FAR2: variants seen among roughly 807,000 people sequenced by gnomAD.
The protein encoded by FAR2 is fatty acyl-CoA reductase 2, also known as epididymis secretory protein Li 81.
FAR2 carries 19 observed loss-of-function variants against 56.0 expected under a neutral mutation model. That is an observed-to-expected ratio of 0.34 (90% confidence interval 0.24 to 0.50). The LOEUF (loss-of-function observed/expected upper bound fraction) is 0.50. FAR2 is among the 20% of genes least tolerant of loss of function. The pLI, the probability that FAR2 is intolerant of heterozygous loss-of-function variation, is 0.98. For missense variants in FAR2, 508 were observed against 642.2 expected (o/e 0.79, Z 2.26); for synonymous variants, 219 against 218.8 (o/e 1.00, Z -0.01).
chr12:29,292,567 C>T (rs944351728), intron 2 of FAR2, among the ~76,000 whole-genome samples: 2 of 152,114 alleles, frequency 1.3e-5, no homozygotes, highest in African/African-American at 4.8e-5. Flanking sequence ...AAAGATCTTT[C>T]TGGAAGAGAT....
At chr12:29,182,067 T>C (rs1479535761) in intron 1 of FAR2, among the ~76,000 whole-genome samples, 1 of 152,338 alleles carries the variant, frequency 6.6e-6, no homozygotes, top group South Asian at 2.1e-4. Flanking sequence ...ATAGAAGCCA[T>C]CCTTGGGTAC....
chr12:29,272,651 C>T (rs2882377), intron 2 of FAR2, among the ~76,000 whole-genome samples: 21,417 of 152,180 alleles, frequency 0.14, 1,601 homozygotes, highest in Middle Eastern at 0.28. Context: ...CCATCTGATC[C>T]TCCGTCCAGT....
At chr12:29,263,057 T>A in intron 1 of FAR2, among the ~76,000 whole-genome samples, 1 of 152,190 alleles carries the variant, frequency 6.6e-6, no homozygotes, top group East Asian at 1.9e-4. Flanking sequence ...ACAAAGAATG[T>A]CATTATATAA....
At chr12:29,306,222 A>G (rs1949252687) in intron 4 of FAR2, among the ~76,000 whole-genome samples, 1 of 152,128 alleles carries the variant, frequency 6.6e-6, no homozygotes, top group African/African-American at 2.4e-5. Context: ...AGATATTTCT[A>G]TGTAGTTGAA....
chr12:29,203,931 C>T (rs1036611903), intron 1 of FAR2, among the ~76,000 whole-genome samples: 17 of 125,922 alleles, frequency 1.4e-4, no homozygotes, highest in African/African-American at 4.5e-4. Context: ...ACCTGGGAGG[C>T]GGAGCTTGCA....
intron 2 of FAR2, among the ~76,000 whole-genome samples, chr12:29,292,775 T>G (rs779881314): frequency 2.0e-5 from 3 of 152,182 alleles, no homozygotes; most frequent in Non-Finnish European, 4.4e-5. Context: ...TTTTCTGCAC[T>G]GTAGGGCCAG....
chr12:29,228,671 T>C (rs939931089), intron 1 of FAR2, among the ~76,000 whole-genome samples: 1 of 152,198 alleles, frequency 6.6e-6, no homozygotes, highest in African/African-American at 2.4e-5. Flanking sequence ...CACTGCAGTC[T>C]CTGCCTCCTG....
At chr12:29,177,415 T>G (rs533966258) in intron 1 of FAR2, among the ~76,000 whole-genome samples, 2 of 152,288 alleles carry the variant, frequency 1.3e-5, no homozygotes, top group South Asian at 4.1e-4. Context: ...AAAGTATTAT[T>G]ATAAAAATAC....
chr12:29,183,369 A>G (rs1490283890), intron 1 of FAR2, among the ~76,000 whole-genome samples: 1 of 152,094 alleles, frequency 6.6e-6, no homozygotes, highest in Non-Finnish European at 1.5e-5. Flanking sequence ...CACAAACATA[A>G]TCTCCAATCC....
Position 29,304,832 on chromosome 12 carries a change from C to T in FAR2, c.546-2826C>T, listed in dbSNP as rs563979219. Among the ~76,000 whole-genome samples, 33 of 152,278 alleles carry T rather than the reference C, an allele frequency of 2.2e-4. No individual in the cohort carries two copies. In the East Asian group the frequency reaches 6.2e-3, roughly 29 times the overall value. Reference sequence around the variant, plus strand: ...GAATTTGAGACCCATGGGTTCAAAACATCTTCTTGAGTATACTGGAGGACA... The same window carrying T: ...GAATTTGAGACCCATGGGTTCAAAATATCTTCTTGAGTATACTGGAGGACA... On this transcript the variant is annotated intron_variant, in intron 4 of 11. Transcript: ENST00000536681.
At chr12:29,201,889 T>C (rs2136617614) in intron 1 of FAR2, among the ~76,000 whole-genome samples, 1 of 152,338 alleles carries the variant, frequency 6.6e-6, no homozygotes. Flanking sequence ...TTTCCACCAC[T>C]ACAGAAAGTT....
Position 29,205,289 on chromosome 12 carries a change from A to T in FAR2, c.-39+55882A>T, listed in dbSNP as rs375323376. ...ATTACAGAGATTTTCAGAGGTATGG[A>T]TAGAGGTCTGTCAAACAGGGATAAA... On this transcript the variant is annotated intron_variant, in intron 1 of 11. Transcript: ENST00000536681. 3.3e-5 allele frequency among the ~76,000 whole-genome samples: 5 copies of T among 152,262 alleles called. No homozygotes were observed. In the East Asian group the frequency reaches 5.8e-4, roughly 18 times the overall value.
intron 1 of FAR2, among the ~76,000 whole-genome samples, chr12:29,266,220 CA>C (rs1394003294): frequency 1.3e-5 from 2 of 152,240 alleles, no homozygotes; most frequent in Non-Finnish European, 2.9e-5. Context: ...ATATTTATTG[CA>C]GTGTTAATCA....
At chr12:29,323,244 G>T (rs533893214) in intron 10 of FAR2, among the ~76,000 whole-genome samples, 2 of 152,344 alleles carry the variant, frequency 1.3e-5, no homozygotes, top group East Asian at 3.9e-4. Context: ...AAACAAAGCG[G>T]CCTGGAAGCT....
chr12:29,237,599 G>A (rs1455011641), intron 1 of FAR2, among the ~76,000 whole-genome samples: 1 of 152,208 alleles, frequency 6.6e-6, no homozygotes, highest in African/African-American at 2.4e-5. Flanking sequence ...GTGTGATTGA[G>A]CTGTCAGCTG....
intron 1 of FAR2, among the ~76,000 whole-genome samples, chr12:29,213,685 G>C (rs1947584612): frequency 2.6e-5 from 2 of 77,784 alleles, no homozygotes; most frequent in Non-Finnish European, 5.6e-5. Context: ...AGGAGACTCT[G>C]TCTCAAAAAA....
intron 1 of FAR2, among the ~76,000 whole-genome samples, chr12:29,248,328 A>G (rs1388687114): frequency 6.6e-6 from 1 of 152,134 alleles, no homozygotes; most frequent in Non-Finnish European, 1.5e-5. Context: ...AAATAAAGGG[A>G]CAGAGTACAA....
chr12:29,249,919 G>A (rs1948180839), intron 1 of FAR2, among the ~76,000 whole-genome samples: 1 of 152,084 alleles, frequency 6.6e-6, no homozygotes, highest in Non-Finnish European at 1.5e-5. Flanking sequence ...TCATTAAAAT[G>A]CATCTACCTG....
At chr12:29,218,537 A>G (rs1450911617) in intron 1 of FAR2, among the ~76,000 whole-genome samples, 1 of 152,160 alleles carries the variant, frequency 6.6e-6, no homozygotes, top group African/African-American at 2.4e-5. Flanking sequence ...AGTCAAATAT[A>G]TGTGTAACTG....
Sources: allele counts gnomAD v4.1 joint callset (sites outside exome capture counted in the v4.1 genomes callset), GRCh38; gene constraint gnomAD v4.1.1; transcripts MANE v1.5; gene names NCBI Gene and HGNC (gene_info 2026-07-23, HGNC 2026-07-21).